PDE1A: variants seen among roughly 807,000 people sequenced by gnomAD.
PDE1A encodes dual specificity calcium/calmodulin-dependent 3',5'-cyclic nucleotide phosphodiesterase 1A.
A neutral mutation model predicts 61.7 loss-of-function variants in PDE1A; 35 were observed. The ratio of observed to expected loss-of-function variants is 0.57; its 90% confidence interval spans 0.43 to 0.75. PDE1A has a LOEUF of 0.75. Among genes scored for constraint, PDE1A ranks in the 30% least tolerant of loss-of-function variants. The pLI is 0.00. For missense variants in PDE1A, 597 were observed against 630.6 expected, an observed-to-expected ratio of 0.95 and a Z score of 0.57; for synonymous variants, 232 against 213.2, an observed-to-expected ratio of 1.09 and a Z score of -0.77.
intron 1 of PDE1A, among the ~76,000 whole-genome samples, chr2:182,419,918 CA>C (rs1703166846): frequency 1.3e-5 from 2 of 151,942 alleles, no homozygotes; most frequent in South Asian, 4.1e-4. Context: ...ATGAGAAATA[CA>C]AAGATGAATT....
chr2:182,462,227 C>T (rs1387378404), intron 2 of PDE1A, among the ~76,000 whole-genome samples: 2 of 151,884 alleles, frequency 1.3e-5, no homozygotes, highest in Non-Finnish European at 2.9e-5. Context: ...ATGGGTGCAG[C>T]ACACCAACAT....
At chr2:182,549,356 G>A in the PDE1A span, among the ~76,000 whole-genome samples, 503 of 151,898 alleles carry the variant, frequency 3.3e-3, 1 homozygote, top group African/African-American at 0.012. Flanking sequence ...ATGCAAAAAG[G>A]CACAAAACCA....
intron 1 of PDE1A, among the ~76,000 whole-genome samples, chr2:182,370,630 T>C (rs1700079772): frequency 6.6e-6 from 1 of 152,124 alleles, no homozygotes; most frequent in Non-Finnish European, 1.5e-5. Flanking sequence ...GAGACTGCTG[T>C]TAGATTTAAA....
At chr2:182,715,435 A>T in the PDE1A span, among the ~76,000 whole-genome samples, 1 of 152,134 alleles carries the variant, frequency 6.6e-6, no homozygotes, top group Non-Finnish European at 1.5e-5. Context: ...TAGTTTTCCA[A>T]GTTTTTAGAA....
At chr2:182,570,936 A>T in the PDE1A span, among the ~76,000 whole-genome samples, 1 of 152,348 alleles carries the variant, frequency 6.6e-6, no homozygotes, top group South Asian at 2.1e-4. Context: ...CATCTGTAAA[A>T]TGAGACTAAT....
the PDE1A span, among the ~76,000 whole-genome samples, chr2:182,700,847 G>A: frequency 1.0e-3 from 153 of 151,822 alleles, 1 homozygote; most frequent in Non-Finnish European, 1.7e-3. Context: ...AATCTGGAAG[G>A]CAGAGGTTGC....
chr2:182,626,646 A>G, the PDE1A span, among the ~76,000 whole-genome samples: 2 of 142,616 alleles, frequency 1.4e-5, no homozygotes, highest in Admixed American at 1.5e-4. Context: ...TTGTAGATCC[A>G]ATAAGAAAAA....
upstream of PDE1A, among the ~76,000 whole-genome samples, chr2:182,525,368 A>T (rs1265186548): frequency 6.6e-6 from 1 of 152,144 alleles, no homozygotes; most frequent in Non-Finnish European, 1.5e-5. Flanking sequence ...ATCCTTATTT[A>T]TAAGCAAAAT....
chr2:182,694,786 T>C, the PDE1A span, among the ~76,000 whole-genome samples: 1 of 145,112 alleles, frequency 6.9e-6, no homozygotes. Flanking sequence ...AGTGGAAGAA[T>C]TGAAAGACTG....
intron 10 of PDE1A, among the ~76,000 whole-genome samples, chr2:182,193,111 C>T (rs564257018): frequency 1.3e-5 from 2 of 152,100 alleles, no homozygotes; most frequent in East Asian, 1.9e-4. Flanking sequence ...CCTCAGCCTC[C>T]CGAGTAGATG....
the PDE1A span, among the ~76,000 whole-genome samples, chr2:182,687,925 T>A: frequency 2.0e-5 from 3 of 152,124 alleles, no homozygotes; most frequent in African/African-American, 7.2e-5. Context: ...AAAAAGGGTA[T>A]CACTGATTGA....
chr2:182,574,796 T>C, the PDE1A span, among the ~76,000 whole-genome samples: 3 of 152,158 alleles, frequency 2.0e-5, no homozygotes, highest in South Asian at 6.2e-4. Flanking sequence ...TTTCAAGTGA[T>C]TCTCCTGCCT....
the PDE1A span, among the ~76,000 whole-genome samples, chr2:182,564,956 A>T: frequency 6.0e-3 from 906 of 152,198 alleles, 7 homozygotes; most frequent in African/African-American, 0.02. Context: ...ACATTCGTCT[A>T]AATTTTTTTC....
At chr2:182,162,388 A>G (rs1182318155) in intron 13 of PDE1A, among the ~76,000 whole-genome samples, 1 of 152,150 alleles carries the variant, frequency 6.6e-6, no homozygotes, top group African/African-American at 2.4e-5. Flanking sequence ...TCCTAGAAGT[A>G]AAATAGATGG....
chr2:182,690,699 G>A, the PDE1A span, among the ~76,000 whole-genome samples: 1 of 152,138 alleles, frequency 6.6e-6, no homozygotes, highest in Non-Finnish European at 1.5e-5. Context: ...GCAAGAGAAA[G>A]AAATAAAGGG....
intron 2 of PDE1A, 148 bp downstream of exon 2, chr2:182,264,153 G>C (rs1692432806): frequency 1.8e-6 from 1 of 550,188 alleles, no homozygotes; most frequent in Non-Finnish European, 3.3e-6. Flanking sequence ...GCTACATGAA[G>C]AAGAACATTT....
At chr2:182,550,119 T>G in the PDE1A span, among the ~76,000 whole-genome samples, 5 of 152,146 alleles carry the variant, frequency 3.3e-5, no homozygotes, top group Non-Finnish European at 7.4e-5. Context: ...AGACCGGCAT[T>G]AGAATCCAGG....
intron 1 of PDE1A, among the ~76,000 whole-genome samples, chr2:182,385,600 A>T (rs1186370063): frequency 6.6e-6 from 1 of 151,526 alleles, no homozygotes; most frequent in Non-Finnish European, 1.5e-5. Context: ...ATTAAAGAAA[A>T]ATGCTTAGAT....
the PDE1A span, among the ~76,000 whole-genome samples, chr2:182,701,069 C>G: frequency 6.6e-6 from 1 of 151,934 alleles, no homozygotes; most frequent in Non-Finnish European, 1.5e-5. Flanking sequence ...GAGTCTTGCT[C>G]TGTTGCCCAG....
Sources: gnomAD v4.1 joint callset for allele counts (sites outside exome capture counted in the v4.1 genomes callset) on GRCh38, gnomAD v4.1.1 for gene constraint, MANE v1.5 for transcripts, NCBI Gene and HGNC (gene_info 2026-07-23, HGNC 2026-07-21) for gene names.